Variants in PPIL3 observed in about 807,000 individuals in gnomAD.
PPIL3 encodes the protein peptidylprolyl isomerase like 3.
A neutral mutation model predicts 20.9 loss-of-function variants in PPIL3; 13 were observed. That is an observed-to-expected ratio of 0.62 (90% CI 0.40 to 0.99). The LOEUF (loss-of-function observed/expected upper bound fraction) is 0.99. PPIL3 is among the 50% of genes least tolerant of loss of function. The probability of loss-of-function intolerance (pLI) is 0.00; values close to 1 mark genes in which losing one functional copy is unlikely to be tolerated. For synonymous variants in PPIL3, 71 were observed against 64.4 expected (o/e 1.10, Z -0.49); for missense variants, 170 against 195.2 (o/e 0.87, Z 0.77).
intron 4 of PPIL3, among the ~76,000 whole-genome samples, chr2:200,882,015 T>G (rs1183037945): frequency 6.6e-6 from 1 of 151,470 alleles, no homozygotes; most frequent in Non-Finnish European, 1.5e-5. Flanking sequence ...TAAGTGGGAG[T>G]TGAACAATGA....
At chr2:200,879,629 G>A (rs4035022) in intron 5 of PPIL3, among the ~76,000 whole-genome samples, 22,440 of 152,144 alleles carry the variant, frequency 0.15, 1,871 homozygotes, top group African/African-American at 0.2. Context: ...TAGTCCAGGA[G>A]TTTCAGACCA....
upstream of PPIL3, chr2:200,889,167 C>T (rs769123134): frequency 7.5e-6 from 3 of 399,344 alleles, no homozygotes; most frequent in East Asian, 7.2e-5. Flanking sequence ...TGCAATTTAT[C>T]CCCAACCGGA....
In PPIL3 at chr2:200,871,483, TTCTCCAAC is replaced by T; in HGVS notation, c.390_397del (p.Leu131ValfsTer5). 10 of 1,612,706 alleles carry T rather than the reference TTCTCCAAC, an allele frequency of 6.2e-6. No individual in the cohort carries two copies. Among genetic ancestry groups the T allele is most frequent in the Non-Finnish European group, 8.5e-6 (10 of 1,178,804 alleles). ...GTATGTCTTCTCATTTACTGGCAAC[TTCTCCAAC>T]TCATCTAGAGTTTCCAGACCATCTA... On this transcript the variant is annotated frameshift_variant, in exon 7 of 7. Coordinates refer to ENST00000392283, the MANE Select transcript of PPIL3 (RefSeq NM_130906.3). LOFTEE classifies it high-confidence loss of function.
At chr2:200,883,636 A>G (rs1020075536) in intron 3 of PPIL3, among the ~76,000 whole-genome samples, 1 of 152,256 alleles carries the variant, frequency 6.6e-6, no homozygotes, top group African/African-American at 2.4e-5. Flanking sequence ...TTAAAAATAT[A>G]ATTACTTAAT....
At chr2:200,877,396 T>C (rs1212519669) in intron 5 of PPIL3, 1 of 170,810 alleles carries the variant, frequency 5.9e-6, no homozygotes, top group Non-Finnish European at 1.2e-5. Context: ...AAAAGGTTAA[T>C]ATATCAAATA....
intron 5 of PPIL3, chr2:200,877,446 C>T (rs906667465): frequency 6.5e-6 from 1 of 154,578 alleles, no homozygotes; most frequent in Non-Finnish European, 1.4e-5. Flanking sequence ...TGAAGAAATA[C>T]AGCCATGGAC....
At chr2:200,887,122 C>A (rs1275851579) in intron 2 of PPIL3, 1 of 152,680 alleles carries the variant, frequency 6.5e-6, no homozygotes, top group African/African-American at 2.4e-5. Context: ...AGTTGGCTCA[C>A]GCCTGTAATT....
chr2:200,879,331 G>C lies in PPIL3; in HGVS notation c.240+2090C>G, dbSNP rs1042948212. 4.7e-4 allele frequency among the ~76,000 whole-genome samples: 71 copies of C among 152,152 alleles called. 1 individual carries two copies. Among genetic ancestry groups the C allele is most frequent in the Non-Finnish European group, 1.9e-4 (13 of 67,982 alleles). ...AGACGGGGTTTCACTGTGTTAGCCA[G>C]CATGGTCTTGATCTCCTGCCCTCGT... On this transcript the variant is annotated intron_variant, in intron 5 of 6. Transcript: ENST00000392283.
chr2:200,886,427 T>C (rs1473767679), intron 2 of PPIL3, among the ~76,000 whole-genome samples: 1 of 151,362 alleles, frequency 6.6e-6, no homozygotes, highest in Non-Finnish European at 1.5e-5. Context: ...TTTTCATTTC[T>C]CCTTTTTTTT....
chr2:200,872,123 A>G (rs1466486853), intron 6 of PPIL3, among the ~76,000 whole-genome samples: 1 of 152,170 alleles, frequency 6.6e-6, no homozygotes, highest in East Asian at 1.9e-4. Flanking sequence ...GATCTGTACT[A>G]TCTGACTAAC....
chr2:200,873,008 A>C (rs1428585580), intron 6 of PPIL3, among the ~76,000 whole-genome samples: 1 of 151,294 alleles, frequency 6.6e-6, no homozygotes, highest in Non-Finnish European at 1.5e-5. Flanking sequence ...AGTAGCTGGG[A>C]TTATAGGAGC....
Position 200,876,387 on chromosome 2 carries a change from T to C in PPIL3, c.359+532A>G, listed in dbSNP as rs573056375. Among the ~76,000 whole-genome samples the C allele has an allele frequency of 7.2e-5, 11 of 152,168 alleles. No homozygotes were observed. The South Asian group carries it at 2.3e-3, about 32-fold the overall frequency. On this transcript the variant is annotated intron_variant, in intron 6 of 6. Coordinates refer to ENST00000392283, the MANE Select transcript of PPIL3 (RefSeq NM_130906.3). ...AATATTGAAAAATTACTGGCCTCTTTTACAAAATAAGGAAAATAAAGCTCA... is the reference window on the plus strand; with the variant it reads ...AATATTGAAAAATTACTGGCCTCTTCTACAAAATAAGGAAAATAAAGCTCA...
At chr2:200,883,049 C>G (rs902092161) in intron 3 of PPIL3, among the ~76,000 whole-genome samples, 1 of 151,350 alleles carries the variant, frequency 6.6e-6, no homozygotes, top group African/African-American at 2.4e-5. Flanking sequence ...ACAATTAATC[C>G]AAAAGGGGCA....
intron 5 of PPIL3, among the ~76,000 whole-genome samples, chr2:200,879,626 G>C (rs2039646648): frequency 6.6e-6 from 1 of 152,144 alleles, no homozygotes; most frequent in Non-Finnish European, 1.5e-5. Context: ...TCTTAGTCCA[G>C]GAGTTTCAGA....
At chr2:200,874,033 G>A (rs373707152) in intron 6 of PPIL3, among the ~76,000 whole-genome samples, 32 of 150,820 alleles carry the variant, frequency 2.1e-4, no homozygotes, top group East Asian at 8.0e-4. Context: ...GTGAAACCCC[G>A]TCTCTACTAA....
intron 5 of PPIL3, 62 bp downstream of exon 5, chr2:200,881,359 A>G: frequency 7.8e-7 from 1 of 1,288,138 alleles, no homozygotes; most frequent in Non-Finnish European, 1.1e-6. Context: ...TGACACATGT[A>G]TCAAAGTTTC....
rs910211564 is a variant in PPIL3, at chr2:200,875,274, GT to G, written c.359+1644del. Reference sequence around the variant, plus strand: ...ACTAAGTTCTGGGTCTTCTGGGAAAGTTTTTTTTTTTTGAGACGGAGTCTCG... The same window carrying G: ...ACTAAGTTCTGGGTCTTCTGGGAAAGTTTTTTTTTTTGAGACGGAGTCTCG... On this transcript the variant is annotated intron_variant, in intron 6 of 6. Coordinates refer to ENST00000392283, the MANE Select transcript of PPIL3 (RefSeq NM_130906.3). 1.5e-3 allele frequency among the ~76,000 whole-genome samples: 212 copies of G among 146,012 alleles called. No individual in the cohort carries two copies. In the East Asian group the frequency reaches 0.022, roughly 15 times the overall value.
intron 3 of PPIL3, 28 bp downstream of exon 3, chr2:200,885,670 T>C (rs746829420): frequency 8.3e-5 from 111 of 1,340,286 alleles, no homozygotes; most frequent in Non-Finnish European, 1.1e-4. Flanking sequence ...TATTAACTGA[T>C]GTTGAATATG....
At chr2:200,881,584 C>T (rs528716993) in intron 4 of PPIL3, 96 bp from the exon 5 acceptor site, 1 of 963,918 alleles carries the variant, frequency 1.0e-6, no homozygotes, top group East Asian at 2.7e-5. Context: ...AGTTTGACTG[C>T]TTAAATATAG....
Sources: allele counts gnomAD v4.1 joint callset (sites outside exome capture counted in the v4.1 genomes callset), GRCh38; gene constraint gnomAD v4.1.1; transcripts MANE v1.5; gene names NCBI Gene and HGNC (gene_info 2026-07-23, HGNC 2026-07-21).